Variants in SPIB observed in about 807,000 individuals in gnomAD.
SPIB encodes transcription factor Spi-B.
SPIB carries 7 observed loss-of-function variants against 31.9 expected under a neutral mutation model. The observed-to-expected ratio is 0.22, with a 90% CI of 0.12 to 0.41. SPIB has a LOEUF of 0.41. SPIB is among the 10% of genes least tolerant of loss of function. SPIB has a pLI of 1.00. For missense variants in SPIB, 327 were observed against 360.2 expected (o/e 0.91, Z 0.75); for synonymous variants, 176 against 158.9 (o/e 1.11, Z -0.81).
chr19:50,420,269 C>G lies in SPIB; in HGVS notation c.51+296C>G, dbSNP rs1426918881. ...TTCGTATTTTTAAAAATTGTGTTCT[C>G]TAACAGTTCAGATACGGAATACTAT... is the stretch of plus-strand genomic sequence containing the variant. On this transcript the variant is annotated intron_variant, in intron 2 of 5. Coordinates refer to ENST00000595883, the MANE Select transcript of SPIB (RefSeq NM_003121.5). Among the ~76,000 whole-genome samples the G allele has an allele frequency of 4.6e-5, 7 of 152,104 alleles. No homozygotes were observed. In the East Asian group the frequency reaches 1.2e-3, roughly 25 times the overall value.
intron 2 of SPIB, 139 bp downstream of exon 2, chr19:50,420,112 C>A: frequency 1.5e-6 from 1 of 676,146 alleles, no homozygotes; most frequent in Non-Finnish European, 2.2e-6. Flanking sequence ...GTATCTCCTG[C>A]TACCCCGCAT....
chr19:50,423,798 TG>T (rs1409874450), intron 5 of SPIB, 43 bp downstream of exon 5: 1 of 1,544,264 alleles, frequency 6.5e-7, no homozygotes, highest in Non-Finnish European at 8.8e-7. Context: ...CAGCTGGAGA[TG>T]GTGGGGGGGC....
rs374585414 is a variant in SPIB at position 50,426,667 on chromosome 19, G to A, written c.491-1371G>A. ...AGCCAAGCACACCCAGCTAATTTTT[G>A]TATTTTTAGTAGAAACCGGGTTTCA... is the stretch of plus-strand genomic sequence containing the variant. On this transcript the variant is annotated intron_variant, in intron 5 of 5. Coordinates refer to ENST00000595883, the MANE Select transcript of SPIB (RefSeq NM_003121.5). Among the ~76,000 whole-genome samples, 24 of 151,958 alleles carry A rather than the reference G, an allele frequency of 1.6e-4. No homozygotes were observed. In the South Asian group the frequency reaches 4.8e-3, roughly 30 times the overall value.
At position 50,427,873 on chromosome 19, in the gene SPIB, C is replaced by A. The variant is rs113133595; in HGVS notation, c.491-165C>A. Among the ~76,000 whole-genome samples, 18,293 of 121,074 alleles carry A rather than the reference C, an allele frequency of 0.15. 1,820 individuals are homozygous for A. Among genetic ancestry groups the A allele is most frequent in the Non-Finnish European group, 0.18 (10,325 of 58,042 alleles). The allele number at this position is 121,074 out of a possible 152,430, so 79.4% of individuals were successfully genotyped here. On this transcript the variant is annotated intron_variant, in intron 5 of 5. Coordinates refer to ENST00000595883, the MANE Select transcript of SPIB (RefSeq NM_003121.5). ...GGAGTGGCTTGCCCCCCCCCCCCCCCGTGGTGAGGGGCGCAGAGCCAGGTG... is the reference window on the plus strand; with the variant it reads ...GGAGTGGCTTGCCCCCCCCCCCCCCAGTGGTGAGGGGCGCAGAGCCAGGTG...
intron 1 of SPIB, 95 bp downstream of exon 1, chr19:50,419,080 C>A: frequency 6.9e-7 from 1 of 1,455,632 alleles, no homozygotes. Flanking sequence ...CTGCTCCTCA[C>A]GGCCGGTGGG....
intron 5 of SPIB, among the ~76,000 whole-genome samples, chr19:50,425,122 T>C (rs1179413841): frequency 6.6e-6 from 1 of 150,984 alleles, no homozygotes; most frequent in East Asian, 2.0e-4. Context: ...TCCTCCTGCC[T>C]CAGCCTCCGC....
In SPIB at chr19:50,431,247, A is replaced by T. The variant is rs1426451850; in HGVS notation, c.*2911A>T. 2.0e-5 allele frequency: 3 copies of T among 152,234 alleles called. No homozygotes were observed. The East Asian group carries it at 5.8e-4, about 29-fold the overall frequency. 9.4% of individuals were successfully genotyped at this position (152,234 alleles called of 1,614,324 possible). On this transcript the variant is annotated 3_prime_UTR_variant, in exon 6 of 6. Coordinates refer to ENST00000595883, the MANE Select transcript of SPIB (RefSeq NM_003121.5). Reference sequence around the variant, plus strand: ...GATCGCTTGAGTACAGGAGTTTGAAACCAGCCTGGGCAAGATAGTGAGATC... The same window carrying T: ...GATCGCTTGAGTACAGGAGTTTGAATCCAGCCTGGGCAAGATAGTGAGATC...
intron 2 of SPIB, among the ~76,000 whole-genome samples, chr19:50,421,322 T>G (rs1397609521): frequency 6.6e-6 from 1 of 152,048 alleles, no homozygotes; most frequent in Non-Finnish European, 1.5e-5. Flanking sequence ...TATGGAGATT[T>G]ATTTATTTAT....
At position 50,428,166 on chromosome 19, in the gene SPIB, C is replaced by A; in HGVS notation, c.619C>A (p.Leu207Ile). The A allele has an allele frequency of 6.3e-7, 1 of 1,590,414 alleles. No homozygotes were observed. The highest frequency in any genetic ancestry group is 8.6e-7 in the Non-Finnish European group (1 of 1,168,470). Residue 207 changes from leucine (L) to isoleucine (I), a missense_variant, in exon 6 of 6, where the codon CTC becomes ATC. Physicochemically the swap from Leu to Ile is conservative, Grantham distance 5. This residue lies in a region of SPIB where 54 missense variants were observed against 69.5 expected (regional missense o/e 0.78). Coordinates refer to ENST00000595883, the MANE Select transcript of SPIB (RefSeq NM_003121.5). The surrounding 1 kb of genome is among the most constrained non-coding windows in gnomAD (Gnocchi z 6.5). ...CCAGTTCTCCTCCAAGCACAAGGAACTCCTGGCGCGCCGCTGGGGCCAGCA... is the reference window on the plus strand; with the variant it reads ...CCAGTTCTCCTCCAAGCACAAGGAAATCCTGGCGCGCCGCTGGGGCCAGCA... ...VFQFSSKHKE[L>I]LARRWGQQKG... is the part of the protein sequence containing the mutation.
At chr19:50,425,493 C>T (rs764817436) in intron 5 of SPIB, among the ~76,000 whole-genome samples, 3 of 151,992 alleles carry the variant, frequency 2.0e-5, no homozygotes, top group East Asian at 1.9e-4. Flanking sequence ...CAGGCTGAAG[C>T]GCAGTGGCGC....
At chr19:50,427,141 A>C (rs2039575195) in intron 5 of SPIB, among the ~76,000 whole-genome samples, 1 of 151,840 alleles carries the variant, frequency 6.6e-6, no homozygotes, top group Non-Finnish European at 1.5e-5. Context: ...AAAAAAAAGA[A>C]ATTAAGATGT....
At position 50,428,016 on chromosome 19, in the gene SPIB, C is replaced by G. The variant is rs1243032502; in HGVS notation, c.491-22C>G. ...GGCCTTAGGGACCCCTCACCTAACG[C>G]GTGCCCCCGACCCCACCGCAGGGAC... On this transcript the variant is annotated intron_variant, in intron 5 of 5. Transcript: ENST00000595883. This position sits in a 1 kb window ranked among gnomAD's most constrained non-coding sequence, Gnocchi z 6.5. 1 of 1,481,708 alleles carries G rather than the reference C, an allele frequency of 6.7e-7. No homozygotes were observed. The highest frequency in any genetic ancestry group is 2.5e-5 in the East Asian group (1 of 40,168). The allele number at this position is 1,481,708 out of a possible 1,614,324, so 91.8% of individuals were successfully genotyped here.
In SPIB at chr19:50,419,239, C is replaced by T. The variant is rs1568646277; in HGVS notation, c.23+254C>T. On this transcript the variant is annotated intron_variant, in intron 1 of 5. Transcript: ENST00000595883. ...GAACACTTGCTAGCGTGCCCTCCTGCGGGCGTCCTCCGTGGCTCTCACTCT... is the reference window on the plus strand; with the variant it reads ...GAACACTTGCTAGCGTGCCCTCCTGTGGGCGTCCTCCGTGGCTCTCACTCT... 2.6e-5 allele frequency among the ~76,000 whole-genome samples: 4 copies of T among 152,148 alleles called. No individual in the cohort carries two copies. The South Asian group carries it at 6.2e-4, about 24-fold the overall frequency.
intron 4 of SPIB, 69 bp from the exon 5 acceptor site, chr19:50,423,536 G>C (rs1280150457): frequency 6.3e-7 from 1 of 1,575,384 alleles, no homozygotes; most frequent in Admixed American, 1.8e-5. Flanking sequence ...CCACCGCCTT[G>C]GCCTGAGAGG....
chr19:50,425,256 C>T (rs1184026557), intron 5 of SPIB, among the ~76,000 whole-genome samples: 4 of 152,152 alleles, frequency 2.6e-5, no homozygotes, highest in East Asian at 3.9e-4. Flanking sequence ...CCGCCCGTCT[C>T]GGCCTCACAA....
intron 5 of SPIB, among the ~76,000 whole-genome samples, chr19:50,424,080 C>T (rs552459021): frequency 7.2e-5 from 11 of 152,204 alleles, no homozygotes; most frequent in African/African-American, 1.9e-4. Flanking sequence ...CCATCATTCC[C>T]GACACCACAG....
At chr19:50,421,544 A>T (rs1312052596) in intron 2 of SPIB, among the ~76,000 whole-genome samples, 1 of 151,586 alleles carries the variant, frequency 6.6e-6, no homozygotes, top group African/African-American at 2.4e-5. Flanking sequence ...GCTGGTATCG[A>T]TCTCCTGACC....
In SPIB at chr19:50,423,665, T is replaced by C. The variant is rs1194158651; in HGVS notation, c.400T>C (p.Leu134=). Residue 134 remains leucine (L), a synonymous_variant, in exon 5 of 6, where the codon TTA becomes CTA. Transcript: ENST00000595883. The part of the protein sequence containing the change: ...PSPVLSEEED[L]PLDSPALEVS... ...CCCTGTGCTATCAGAGGAGGAAGACTTACCGTTGGACAGCCCTGCCCTGGA... is the reference window on the plus strand; with the variant it reads ...CCCTGTGCTATCAGAGGAGGAAGACCTACCGTTGGACAGCCCTGCCCTGGA... 6.2e-7 allele frequency: 1 copy of C among 1,614,010 alleles called. No individual in the cohort carries two copies.
intron 5 of SPIB, among the ~76,000 whole-genome samples, chr19:50,425,193 A>G (rs554806978): frequency 6.6e-6 from 1 of 151,290 alleles, no homozygotes; most frequent in South Asian, 2.1e-4. Context: ...TTTAGTAGAG[A>G]TGGGGTTTCA....
Sources: allele counts gnomAD v4.1 joint callset (sites outside exome capture counted in the v4.1 genomes callset), GRCh38; gene constraint gnomAD v4.1.1; regional missense constraint gnomAD v4.1.1; non-coding constraint Gnocchi (gnomAD v3.1); transcripts MANE v1.5; gene names NCBI Gene and HGNC (gene_info 2026-07-23, HGNC 2026-07-21).